VPS13D: variants seen among roughly 807,000 people sequenced by gnomAD.
VPS13D encodes the protein vacuolar protein sorting 13 homolog D.
Under a neutral mutation model 461.9 loss-of-function variants are expected in VPS13D, and 187 were observed. That is an observed-to-expected ratio of 0.40 (90% CI 0.36 to 0.46). VPS13D has a LOEUF of 0.46. VPS13D is among the 20% of genes least tolerant of loss of function. VPS13D has a pLI of 0.60. For missense variants in VPS13D, 4,711 were observed against 5,364.9 expected (o/e 0.88, Z 3.81); for synonymous variants, 1,951 against 1,986.3 (o/e 0.98, Z 0.47).
intron 43 of VPS13D, 119 bp downstream of exon 43, chr1:12,345,628 C>A: frequency 7.2e-7 from 1 of 1,386,696 alleles, no homozygotes; most frequent in Non-Finnish European, 9.7e-7. Context: ...AATTCTAGGA[C>A]TGACTGGGTC....
intron 34 of VPS13D, 22 bp downstream of exon 34, chr1:12,322,768 C>T (rs373821051): frequency 1.3e-4 from 206 of 1,607,592 alleles, no homozygotes; most frequent in Non-Finnish European, 1.7e-4. Context: ...ACTATAAAAC[C>T]CACTCAGTCT....
At chr1:12,385,447 C>A in intron 59 of VPS13D, 74 bp downstream of exon 59, 1 of 1,252,952 alleles carries the variant, frequency 8.0e-7, no homozygotes, top group Non-Finnish European at 1.1e-6. Context: ...GTATTTTAGA[C>A]CTTCTGTTTT....
intron 38 of VPS13D, among the ~76,000 whole-genome samples, chr1:12,333,614 C>T (rs776495143): frequency 2.0e-5 from 3 of 152,144 alleles, no homozygotes; most frequent in Non-Finnish European, 4.4e-5. Flanking sequence ...CGTAAATGGC[C>T]GTGATGGACT....
chr1:12,316,454 AACAC>A (rs1642889218), intron 30 of VPS13D, among the ~76,000 whole-genome samples: 1 of 152,220 alleles, frequency 6.6e-6, no homozygotes, highest in Non-Finnish European at 1.5e-5. Context: ...AAAGGGATCC[AACAC>A]ACTGTGACTT....
chr1:12,285,436 G>A (rs1304970839), intron 21 of VPS13D, among the ~76,000 whole-genome samples: 1 of 151,632 alleles, frequency 6.6e-6, no homozygotes, highest in Admixed American at 6.6e-5. Context: ...GATTACAGGT[G>A]CGCGCCGCCA....
At chr1:12,314,043 C>A in intron 29 of VPS13D, 72 bp from the exon 30 acceptor site, 3 of 1,396,344 alleles carry the variant, frequency 2.1e-6, no homozygotes, top group Non-Finnish European at 3.0e-6. Flanking sequence ...CTCGTTATCT[C>A]GAACTTATAT....
At position 12,314,905 on chromosome 1, in the gene VPS13D, G is replaced by T. The variant is rs1642848724; in HGVS notation, c.7148+578G>T. 2.6e-5 allele frequency among the ~76,000 whole-genome samples: 4 copies of T among 152,206 alleles called. 1 individual carries two copies. In the South Asian group the frequency reaches 8.3e-4, roughly 31 times the overall value. ...CTAGCTATGTGTCCTTAGACAAGTTGTTTAGCCCCTTTGAGCCTCAACTTC... is the reference window on the plus strand; with the variant it reads ...CTAGCTATGTGTCCTTAGACAAGTTTTTTAGCCCCTTTGAGCCTCAACTTC... On this transcript the variant is annotated intron_variant, in intron 30 of 69. Coordinates refer to ENST00000620676, the MANE Select transcript of VPS13D (RefSeq NM_015378.4).
chr1:12,505,530 T>C lies in VPS13D; in HGVS notation c.12795-1323T>C, dbSNP rs759364929. On this transcript the variant is annotated intron_variant, in intron 68 of 69. Coordinates refer to ENST00000620676, the MANE Select transcript of VPS13D (RefSeq NM_015378.4). The surrounding 1 kb of genome is among the most constrained non-coding windows in gnomAD (Gnocchi z 4.2). ...ATGGCAACTGGAACAAGGCAGTCACTTACTGAGCGCTGATGGGGTGGCCAA... is the reference window on the plus strand; with the variant it reads ...ATGGCAACTGGAACAAGGCAGTCACCTACTGAGCGCTGATGGGGTGGCCAA... Among the ~76,000 whole-genome samples the C allele has an allele frequency of 2.0e-5, 3 of 152,166 alleles. No homozygotes were observed. The highest frequency in any genetic ancestry group is 2.0e-4 in the Admixed American group (3 of 15,278).
intron 35 of VPS13D, 76 bp downstream of exon 35, chr1:12,323,856 A>C (rs2101535080): frequency 6.8e-7 from 1 of 1,471,854 alleles, no homozygotes; most frequent in Non-Finnish European, 9.5e-7. Flanking sequence ...TCTTACTTCC[A>C]CAAGGTGACT....
In VPS13D at chr1:12,253,828, T is replaced by C; in HGVS notation, c.669+2T>C. The stretch of plus-strand genomic sequence containing the variant: ...GATTTGCCTCAGATGGAGTTACAGG[T>C]ACGATTTCGGCAGGGAGATTTGTTG... On this transcript the variant is annotated splice_donor_variant, in intron 7 of 69. Coordinates refer to ENST00000620676, the MANE Select transcript of VPS13D (RefSeq NM_015378.4). LOFTEE classifies it high-confidence loss of function. 1 of 1,613,040 alleles carries C rather than the reference T, an allele frequency of 6.2e-7. No homozygotes were observed. The highest frequency in any genetic ancestry group is 8.5e-7 in the Non-Finnish European group (1 of 1,179,166).
intron 45 of VPS13D, 51 bp from the exon 46 acceptor site, chr1:12,349,113 T>C (rs745850162): frequency 2.5e-6 from 4 of 1,611,622 alleles, no homozygotes; most frequent in African/African-American, 2.7e-5. Flanking sequence ...TGGTCAATCT[T>C]TGGGGTGGAG....
At position 12,277,568 on chromosome 1, in the gene VPS13D, C is replaced by T. The variant is rs753693259; in HGVS notation, c.3980C>T (p.Thr1327Ile). Residue 1327 changes from threonine to isoleucine, a missense_variant, in exon 19 of 70, where the codon ACA becomes ATA. This residue lies in a region of VPS13D where 4,411 missense variants were observed against 4,937.8 expected (regional missense o/e 0.89). Coordinates refer to ENST00000620676, the MANE Select transcript of VPS13D (RefSeq NM_015378.4). ...AAAAGCGCAGCCACCAAAGTCACCA[C>T]AGTACTAGCTACCAAGACTGCCGAG... Reference protein sequence around the residue: ...MLKSAATKVTTVLATKTAEYS... With the variant: ...MLKSAATKVTIVLATKTAEYS... The T allele has an allele frequency of 2.0e-5, 32 of 1,613,980 alleles. No homozygotes were observed. In the South Asian group the frequency reaches 3.1e-4, roughly 16 times the overall value.
At chr1:12,357,712 G>A (rs1643898649) in intron 49 of VPS13D, among the ~76,000 whole-genome samples, 1 of 152,156 alleles carries the variant, frequency 6.6e-6, no homozygotes, top group African/African-American at 2.4e-5. Context: ...CTTTGCTATT[G>A]TAATAGTATC....
At chr1:12,385,445 G>C in intron 59 of VPS13D, 72 bp downstream of exon 59, 1 of 1,275,676 alleles carries the variant, frequency 7.8e-7, no homozygotes, top group Non-Finnish European at 1.1e-6. Context: ...TGGTATTTTA[G>C]ACCTTCTGTT....
At chr1:12,482,244 G>T (rs1001089927) in intron 67 of VPS13D, among the ~76,000 whole-genome samples, 3 of 152,124 alleles carry the variant, frequency 2.0e-5, no homozygotes, top group African/African-American at 7.2e-5. Flanking sequence ...TCAACTGATG[G>T]CCCTTTACTC....
intron 1 of VPS13D, among the ~76,000 whole-genome samples, chr1:12,230,583 C>T (rs1401445814): frequency 2.0e-5 from 3 of 152,118 alleles, no homozygotes. Flanking sequence ...CACATTACGC[C>T]GAAGAGTGGG....
intron 52 of VPS13D, among the ~76,000 whole-genome samples, chr1:12,363,787 TA>T (rs2101617173): frequency 6.6e-6 from 1 of 151,964 alleles, no homozygotes; most frequent in African/African-American, 2.4e-5. Flanking sequence ...ACCCCGTCTC[TA>T]CTAAAAATAC....
chr1:12,272,391 TGG>T (rs1491440910), intron 17 of VPS13D, among the ~76,000 whole-genome samples: 1 of 128,904 alleles, frequency 7.8e-6, no homozygotes, highest in Non-Finnish European at 1.6e-5. Flanking sequence ...TTTTTTGTTT[TGG>T]TGTGTGTGTG....
chr1:12,452,970 A>G (rs564405467), intron 65 of VPS13D, among the ~76,000 whole-genome samples: 4 of 152,352 alleles, frequency 2.6e-5, no homozygotes, highest in Non-Finnish European at 5.9e-5. Flanking sequence ...CAGTAAGTTG[A>G]GATAGGTGTA....
Sources: allele counts gnomAD v4.1 joint callset (sites outside exome capture counted in the v4.1 genomes callset), GRCh38; gene constraint gnomAD v4.1.1; regional missense constraint gnomAD v4.1.1; non-coding constraint Gnocchi (gnomAD v3.1); transcripts MANE v1.5; gene names NCBI Gene and HGNC (gene_info 2026-07-23, HGNC 2026-07-21).